CSF2RA: variants seen among roughly 807,000 people sequenced by gnomAD.
CSF2RA encodes colony stimulating factor 2 receptor subunit alpha, also known as granulocyte-macrophage colony-stimulating factor receptor subunit alpha.
Under a neutral mutation model 51.6 loss-of-function variants are expected in CSF2RA, and 42 were observed. The ratio of observed to expected loss-of-function variants is 0.81; its 90% CI spans 0.64 to 1.05. The LOEUF (loss-of-function observed/expected upper bound fraction) is 1.05, where lower values mean the gene tolerates loss of function less well. CSF2RA is among the 50% of genes least tolerant of loss of function. The pLI is 0.00. For synonymous variants in CSF2RA, 222 were observed against 193.0 expected, an observed-to-expected ratio of 1.15 and a Z score of -1.24; for missense variants, 530 against 501.1, an observed-to-expected ratio of 1.06 and a Z score of -0.55.
intron 2 of CSF2RA, among the ~76,000 whole-genome samples, chrX:1,278,610 TG>T (rs1206756519): frequency 7.0e-5 from 10 of 142,612 alleles, no homozygotes; most frequent in African/African-American, 2.4e-4. Context: ...TGCTTCAACT[TG>T]GGAGACGGAG....
chrX:1,270,580 G>A (rs1392005966), intron 1 of CSF2RA, among the ~76,000 whole-genome samples: 9 of 151,886 alleles, frequency 5.9e-5, no homozygotes, highest in Admixed American at 4.0e-4. Flanking sequence ...CTCACACTAT[G>A]AAAGCTTTTG....
intron 9 of CSF2RA, among the ~76,000 whole-genome samples, chrX:1,299,875 G>A (rs1296256022): frequency 3.9e-5 from 6 of 151,934 alleles, no homozygotes; most frequent in Non-Finnish European, 5.9e-5. Context: ...CCCAGATCAT[G>A]CCATTGCACT....
chrX:1,314,260 C>CCACACAGCACCTG (rs1569514697), downstream of CSF2RA, among the ~76,000 whole-genome samples: 2 of 51,000 alleles, frequency 3.9e-5, no homozygotes, highest in Non-Finnish European at 4.0e-5. Flanking sequence ...ACCTGCCCAA[C>CCACACAGCACCTG]CCCACTGCGC....
the CSF2RA span, among the ~76,000 whole-genome samples, chrX:1,324,831 G>A: frequency 1.3e-5 from 2 of 152,126 alleles, no homozygotes; most frequent in East Asian, 1.9e-4. Flanking sequence ...GTCCTCACCC[G>A]GAGGTGCAGA....
the CSF2RA span, among the ~76,000 whole-genome samples, chrX:1,324,625 A>G: frequency 1.6e-4 from 25 of 152,122 alleles, no homozygotes; most frequent in Admixed American, 7.2e-4. Context: ...GGAAAGAAAG[A>G]AAAAAGAAAA....
At chrX:1,282,825 G>T in intron 3 of CSF2RA, 46 bp downstream of exon 3, 11 of 1,510,674 alleles carry the variant, frequency 7.3e-6, no homozygotes, top group Non-Finnish European at 1.0e-5. Context: ...CCCCTGTTTA[G>T]ATGTCCTGCA....
rs1408501233 is a variant in CSF2RA, at chrX:1,280,789, T to C, written c.-26-1889T>C. ...CCTTATGGGCTTGGATAGAAGTATA[T>C]TGACATGGATCCACCATTTGTAGAA... On this transcript the variant is annotated intron_variant, in intron 2 of 12. Transcript: ENST00000381529. Among the ~76,000 whole-genome samples the C allele has an allele frequency of 4.1e-5, 6 of 148,062 alleles. No homozygotes were observed. In the South Asian group the frequency reaches 1.1e-3, roughly 27 times the overall value.
At chrX:1,311,495 A>G (rs1452080763), downstream of CSF2RA, among the ~76,000 whole-genome samples, 1 of 151,194 alleles carries the variant, frequency 6.6e-6, no homozygotes, top group Non-Finnish European at 1.5e-5. Flanking sequence ...GTGCAGTGGC[A>G]CAATCTCTGC....
the CSF2RA span, among the ~76,000 whole-genome samples, chrX:1,322,297 A>G: frequency 2.7e-5 from 4 of 148,548 alleles, no homozygotes; most frequent in South Asian, 6.4e-4. Flanking sequence ...TATTTTTAGT[A>G]GAGACGGACT....
downstream of CSF2RA, among the ~76,000 whole-genome samples, chrX:1,314,330 GC>G (rs1345327494): frequency 7.5e-6 from 1 of 133,266 alleles, no homozygotes; most frequent in Admixed American, 7.8e-5. Context: ...CACTGCACCT[GC>G]CCAACCCCAC....
At chrX:1,316,630 G>A in the CSF2RA span, among the ~76,000 whole-genome samples, 5 of 152,206 alleles carry the variant, frequency 3.3e-5, no homozygotes, top group South Asian at 6.2e-4. Context: ...GGAGACTCAC[G>A]TTCAGCCCCT....
chrX:1,275,552 T>TTTTA (rs200223608), intron 2 of CSF2RA, among the ~76,000 whole-genome samples: 6,368 of 151,448 alleles, frequency 0.042, 423 homozygotes, highest in African/African-American at 0.15. Context: ...TTTTACTTTA[T>TTTTA]TTTATTTATT....
downstream of CSF2RA, among the ~76,000 whole-genome samples, chrX:1,314,875 G>T (rs866029834): frequency 2.5e-3 from 178 of 71,728 alleles, 17 homozygotes; most frequent in Admixed American, 4.3e-3. Flanking sequence ...CAACCGCACT[G>T]CACCTGCCCA....
rs2088901148 is a variant in CSF2RA at position 1,274,580 on chromosome X, C to T, written c.-90-175C>T. ...CCTCAAATGATCCACCTGCCTCGGC[C>T]TCCCAAAGTGCTGGGATTATAGGCG... is the stretch of plus-strand genomic sequence containing the variant. On this transcript the variant is annotated intron_variant, in intron 1 of 12. Transcript: ENST00000381529. Among the ~76,000 whole-genome samples, 3 of 151,608 alleles carry T rather than the reference C, an allele frequency of 2.0e-5. 1 individual carries two copies.
chrX:1,288,705 G>C, intron 5 of CSF2RA, 54 bp from the exon 6 acceptor site: 1 of 1,613,930 alleles, frequency 6.2e-7, no homozygotes, highest in Non-Finnish European at 8.5e-7. Flanking sequence ...CAGCATCAAA[G>C]TACATCCCGT....
rs2091037814 is a variant in CSF2RA at position 1,288,610 on chromosome X, G to C, written c.311G>C (p.Gly104Ala). The C allele has an allele frequency of 1.2e-6, 2 of 1,613,826 alleles. No homozygotes were observed. The highest frequency in any genetic ancestry group is 2.2e-5 in the East Asian group (1 of 44,894). The change falls in exon 5 of 13, where the codon GGA becomes GCA. Residue 104 changes from glycine (G) to alanine (A), a missense_variant. Gly to Ala is a moderately conservative substitution (Grantham distance 60). Transcript: ENST00000381529. ...FEVHVNTSQRGFQQKLLYPNS... is the reference protein window; with the variant it reads ...FEVHVNTSQRAFQQKLLYPNS... ...GTTCACGTGAATACTAGTCAAAGAG[G>C]ATTTCAACAGAAACTGCTTTATCCA...
chrX:1,317,103 T>G, the CSF2RA span, among the ~76,000 whole-genome samples: 1 of 144,564 alleles, frequency 6.9e-6, no homozygotes, highest in African/African-American at 2.5e-5. Context: ...CCCACCACCA[T>G]GCCCGGCTAA....
In CSF2RA at chrX:1,299,787, G is replaced by A. The variant is rs767916922; in HGVS notation, c.811-704G>A. The stretch of plus-strand genomic sequence containing the variant: ...ACAAAACGTACCCATGCGTGGTGGC[G>A]GGCGCCTGTAATCCCAGCTACGTGG... On this transcript the variant is annotated intron_variant, in intron 9 of 12. Coordinates refer to ENST00000381529, the MANE Select transcript of CSF2RA (RefSeq NM_172245.4). Among the ~76,000 whole-genome samples, 49 of 152,056 alleles carry A rather than the reference G, an allele frequency of 3.2e-4. No individual in the cohort carries two copies. The East Asian group carries it at 7.0e-3, about 22-fold the overall frequency.
intron 6 of CSF2RA, chrX:1,289,116 C>A: frequency 3.4e-6 from 2 of 581,212 alleles, no homozygotes; most frequent in Non-Finnish European, 6.1e-6. Flanking sequence ...CGCCCGCCAC[C>A]ACACCAGGCC....
Sources: allele counts gnomAD v4.1 joint callset (sites outside exome capture counted in the v4.1 genomes callset), GRCh38; gene constraint gnomAD v4.1.1; transcripts MANE v1.5; gene names NCBI Gene and HGNC (gene_info 2026-07-23, HGNC 2026-07-21).